BABAM2: variants seen among roughly 807,000 people sequenced by gnomAD.
The protein encoded by BABAM2 is BRISC and BRCA1-A complex member 2.
Under a neutral mutation model 54.7 loss-of-function variants are expected in BABAM2, and 31 were observed. That is an observed-to-expected ratio of 0.57 (90% CI 0.43 to 0.77). The LOEUF (loss-of-function observed/expected upper bound fraction) is 0.77, where lower values mean the gene tolerates loss of function less well. Among genes scored for constraint, BABAM2 ranks in the 30% least tolerant of loss-of-function variants. The pLI, the probability that BABAM2 is intolerant of heterozygous loss-of-function variation, is 0.00. For synonymous variants in BABAM2, 167 were observed against 162.9 expected (o/e 1.03, Z -0.19); for missense variants, 364 against 455.8 (o/e 0.80, Z 1.83).
At chr2:28,279,636 AG>A (rs1291000754) in intron 10 of BABAM2, among the ~76,000 whole-genome samples, 1 of 144,308 alleles carries the variant, frequency 6.9e-6, no homozygotes, top group African/African-American at 2.5e-5. Flanking sequence ...CATAAGGGTT[AG>A]TGCAGACAGG....
intron 3 of BABAM2, among the ~76,000 whole-genome samples, chr2:27,967,619 G>A (rs1670921173): frequency 6.6e-6 from 1 of 152,292 alleles, no homozygotes; most frequent in East Asian, 1.9e-4. Flanking sequence ...GCAGAGATTG[G>A]AACAGTTTGG....
chr2:27,900,522 C>T (rs1322680393), intron 2 of BABAM2, among the ~76,000 whole-genome samples: 4 of 152,176 alleles, frequency 2.6e-5, no homozygotes, highest in African/African-American at 9.6e-5. Context: ...TATGTTTATA[C>T]CTCCTTAAGA....
chr2:27,975,191 A>T (rs1004797648), intron 3 of BABAM2, among the ~76,000 whole-genome samples: 3 of 152,094 alleles, frequency 2.0e-5, no homozygotes, highest in African/African-American at 7.2e-5. Context: ...ATTAATGTAC[A>T]CTATTTAGTG....
chr2:28,230,824 A>G lies in BABAM2; in HGVS notation c.681-6378A>G, dbSNP rs569779981. Among the ~76,000 whole-genome samples, 23 of 151,356 alleles carry G rather than the reference A, an allele frequency of 1.5e-4. No individual in the cohort carries two copies. In the East Asian group the frequency reaches 3.5e-3, roughly 23 times the overall value. On this transcript the variant is annotated intron_variant, in intron 7 of 11. Transcript: ENST00000379624. Reference sequence around the variant, plus strand: ...TCAGAACTATGAATGATTTTTTTTTAGTCCCACCAGGTTACTTTGTTGTGA... The same window carrying G: ...TCAGAACTATGAATGATTTTTTTTTGGTCCCACCAGGTTACTTTGTTGTGA...
intron 10 of BABAM2, among the ~76,000 whole-genome samples, chr2:28,252,308 A>G (rs1644050681): frequency 6.6e-6 from 1 of 152,224 alleles, no homozygotes; most frequent in Admixed American, 6.5e-5. Flanking sequence ...GGAAAAAGAT[A>G]AAAGAAAATT....
intron 7 of BABAM2, among the ~76,000 whole-genome samples, chr2:28,175,042 G>A (rs1040495507): frequency 6.6e-6 from 1 of 152,150 alleles, no homozygotes; most frequent in Non-Finnish European, 1.5e-5. Flanking sequence ...TCTGCCTAAA[G>A]CTATTGCCAC....
At chr2:28,103,102 G>T (rs2148711317) in intron 6 of BABAM2, among the ~76,000 whole-genome samples, 1 of 149,528 alleles carries the variant, frequency 6.7e-6, no homozygotes, top group African/African-American at 2.5e-5. Flanking sequence ...TAGAGTATTT[G>T]TTTTTTGGGA....
At chr2:28,243,879 A>G (rs1682679629) in intron 9 of BABAM2, among the ~76,000 whole-genome samples, 1 of 152,184 alleles carries the variant, frequency 6.6e-6, no homozygotes, top group South Asian at 2.1e-4. Flanking sequence ...GGGCATCAAT[A>G]TCAGTGGTCT....
chr2:27,993,336 A>G (rs1228391134), intron 4 of BABAM2, among the ~76,000 whole-genome samples: 1 of 152,216 alleles, frequency 6.6e-6, no homozygotes, highest in African/African-American at 2.4e-5. Context: ...AAGGTTCTGT[A>G]TCCCTTAAGG....
chr2:28,052,893 T>C (rs1474882694), intron 6 of BABAM2, among the ~76,000 whole-genome samples: 1 of 152,156 alleles, frequency 6.6e-6, no homozygotes, highest in Non-Finnish European at 1.5e-5. Flanking sequence ...GGATTTTGCA[T>C]TCCCTGCACC....
chr2:28,119,033 A>T lies in BABAM2; in HGVS notation c.571-10238A>T, dbSNP rs1336736887. 2.0e-5 allele frequency among the ~76,000 whole-genome samples: 3 copies of T among 152,260 alleles called. No individual in the cohort carries two copies. The East Asian group carries it at 5.8e-4, about 29-fold the overall frequency. On this transcript the variant is annotated intron_variant, in intron 6 of 11. Transcript: ENST00000379624. ...GGTTTGTCGAAGATCAGATGGTTGT[A>T]GATGTGTGGTGTTATTTCTGAGGTG...
chr2:27,963,866 G>A (rs1670656789), intron 3 of BABAM2, among the ~76,000 whole-genome samples: 1 of 152,182 alleles, frequency 6.6e-6, no homozygotes, highest in South Asian at 2.1e-4. Context: ...ACTTGTGGAG[G>A]ACTCAAGTTT....
At chr2:28,074,296 A>G (rs1416355792) in intron 6 of BABAM2, among the ~76,000 whole-genome samples, 1 of 152,140 alleles carries the variant, frequency 6.6e-6, no homozygotes, top group Non-Finnish European at 1.5e-5. Context: ...GGGGGCTATC[A>G]TGTATGTTAT....
At chr2:28,144,127 T>A (rs1201854287) in intron 7 of BABAM2, among the ~76,000 whole-genome samples, 1 of 152,222 alleles carries the variant, frequency 6.6e-6, no homozygotes, top group Admixed American at 6.5e-5. Flanking sequence ...ATAGAATCTT[T>A]GCCAGGATTA....
At chr2:27,901,903 A>G (rs1474708259) in intron 2 of BABAM2, among the ~76,000 whole-genome samples, 2 of 152,184 alleles carry the variant, frequency 1.3e-5, no homozygotes, top group African/African-American at 2.4e-5. Flanking sequence ...GCGTGTTTAA[A>G]AAGTTTGTAC....
At chr2:27,909,881 G>A (rs897204321) in intron 2 of BABAM2, among the ~76,000 whole-genome samples, 4 of 152,242 alleles carry the variant, frequency 2.6e-5, no homozygotes, top group African/African-American at 9.6e-5. Flanking sequence ...GCTCTATATT[G>A]GCAGGAAGGA....
intron 3 of BABAM2, among the ~76,000 whole-genome samples, chr2:27,946,736 A>G (rs1288232486): frequency 6.6e-6 from 1 of 152,128 alleles, no homozygotes; most frequent in Non-Finnish European, 1.5e-5. Context: ...AGAGTGAGCG[A>G]GAGGGAAGGT....
chr2:28,253,682 C>A (rs72784748), intron 10 of BABAM2, among the ~76,000 whole-genome samples: 19,539 of 152,182 alleles, frequency 0.13, 1,503 homozygotes, highest in African/African-American at 0.21. Context: ...TTTCAAAAGC[C>A]TTTAGAGCTT....
At chr2:28,025,999 A>G (rs942390589) in intron 5 of BABAM2, among the ~76,000 whole-genome samples, 18 of 152,154 alleles carry the variant, frequency 1.2e-4, no homozygotes, top group African/African-American at 4.3e-4. Flanking sequence ...AAAAAACTCT[A>G]TATGGAGAAA....
Sources: allele counts gnomAD v4.1 joint callset (sites outside exome capture counted in the v4.1 genomes callset), GRCh38; gene constraint gnomAD v4.1.1; transcripts MANE v1.5; gene names NCBI Gene and HGNC (gene_info 2026-07-23, HGNC 2026-07-21).